PRKG1: variants seen among roughly 807,000 people sequenced by gnomAD.
PRKG1 encodes the protein cGMP-dependent protein kinase 1.
A neutral mutation model predicts 88.1 loss-of-function variants in PRKG1; 35 were observed. That is an observed-to-expected ratio of 0.40 (90% CI 0.30 to 0.53). The LOEUF (loss-of-function observed/expected upper bound fraction) is 0.53, where lower values mean the gene tolerates loss of function less well. PRKG1 is among the 20% of genes least tolerant of loss of function. The probability of loss-of-function intolerance (pLI) is 0.59; values close to 1 mark genes in which losing one functional copy is unlikely to be tolerated. For synonymous variants in PRKG1, 303 were observed against 292.5 expected (o/e 1.04, Z -0.37); for missense variants, 540 against 839.8 (o/e 0.64, Z 4.41).
intron 1 of PRKG1, among the ~76,000 whole-genome samples, chr10:51,083,674 G>A (rs1223756073): frequency 6.6e-6 from 1 of 152,164 alleles, no homozygotes; most frequent in Non-Finnish European, 1.5e-5. Flanking sequence ...ACAGATCTGG[G>A]CATTGCTGGC....
intron 2 of PRKG1, among the ~76,000 whole-genome samples, chr10:51,222,269 A>G (rs140316704): frequency 9.1e-4 from 138 of 152,222 alleles, no homozygotes; most frequent in African/African-American, 3.2e-3. Context: ...GTCTACTCTA[A>G]GACCAAAGTT....
chr10:51,714,778 C>G (rs568294085), intron 3 of PRKG1, among the ~76,000 whole-genome samples: 3 of 151,968 alleles, frequency 2.0e-5, no homozygotes, highest in Non-Finnish European at 4.4e-5. Context: ...TTTGTACTCA[C>G]GAAATGCAGG....
intron 1 of PRKG1, among the ~76,000 whole-genome samples, chr10:51,043,216 C>T (rs1843447055): frequency 6.6e-6 from 1 of 152,076 alleles, no homozygotes; most frequent in South Asian, 2.1e-4. Context: ...AGAGGGACTC[C>T]ACTGAGATCC....
chr10:51,232,320 T>A (rs775196706), intron 2 of PRKG1, among the ~76,000 whole-genome samples: 2 of 152,160 alleles, frequency 1.3e-5, no homozygotes, highest in Non-Finnish European at 2.9e-5. Context: ...CAGATATGAA[T>A]AATAAAGCAG....
chr10:51,314,307 T>A (rs575582776), intron 2 of PRKG1, among the ~76,000 whole-genome samples: 1 of 152,264 alleles, frequency 6.6e-6, no homozygotes, highest in East Asian at 1.9e-4. Flanking sequence ...TATGATCACA[T>A]GCTGTCTGTT....
In PRKG1 at chr10:51,899,641, G is replaced by A. The variant is rs1210881851; in HGVS notation, c.699-7866G>A. On this transcript the variant is annotated intron_variant, in intron 4 of 17. Transcript: ENST00000373980. ...CCATTGCACTCCAGCTTGGGCGACAGCGTGAGAGTCTGTCAAAAAAAAGAA... is the reference window on the plus strand; with the variant it reads ...CCATTGCACTCCAGCTTGGGCGACAACGTGAGAGTCTGTCAAAAAAAAGAA... 3.8e-5 allele frequency among the ~76,000 whole-genome samples: 5 copies of A among 130,572 alleles called. No individual in the cohort carries two copies. The Admixed American group carries it at 4.3e-4, about 11-fold the overall frequency. The allele number at this position is 130,572 out of a possible 152,430, so 85.7% of individuals were successfully genotyped here.
chr10:51,603,248 G>A (rs1003988645), intron 3 of PRKG1, among the ~76,000 whole-genome samples: 2 of 152,244 alleles, frequency 1.3e-5, no homozygotes, highest in East Asian at 1.9e-4. Flanking sequence ...ATGAGCCACA[G>A]CATCCAGCCT....
intron 5 of PRKG1, among the ~76,000 whole-genome samples, chr10:52,030,951 C>T (rs919897641): frequency 2.6e-5 from 4 of 151,986 alleles, no homozygotes; most frequent in African/African-American, 7.2e-5. Flanking sequence ...CATTATAATA[C>T]AACAGCATCA....
intron 2 of PRKG1, among the ~76,000 whole-genome samples, chr10:51,217,385 A>G (rs1433461978): frequency 6.6e-6 from 1 of 152,096 alleles, no homozygotes; most frequent in Non-Finnish European, 1.5e-5. Context: ...TGGTGTGGGG[A>G]AAAATGCCTT....
At chr10:51,712,974 G>T (rs1841796776) in intron 3 of PRKG1, among the ~76,000 whole-genome samples, 1 of 109,976 alleles carries the variant, frequency 9.1e-6, no homozygotes, top group Non-Finnish European at 2.0e-5. Context: ...ACTCTATGAG[G>T]GTTTTTTTTT....
intron 12 of PRKG1, among the ~76,000 whole-genome samples, chr10:52,277,469 T>C (rs1438461620): frequency 6.6e-6 from 1 of 152,220 alleles, no homozygotes; most frequent in Non-Finnish European, 1.5e-5. Context: ...CTATTACATT[T>C]AGTGAGCACA....
intron 3 of PRKG1, among the ~76,000 whole-genome samples, chr10:51,684,000 T>G (rs1033558257): frequency 5.9e-5 from 9 of 152,136 alleles, no homozygotes; most frequent in African/African-American, 2.2e-4. Context: ...AACATAAAGT[T>G]CCTATATGAT....
intron 2 of PRKG1, among the ~76,000 whole-genome samples, chr10:51,460,409 T>C (rs1208985721): frequency 6.6e-6 from 1 of 152,136 alleles, no homozygotes; most frequent in African/African-American, 2.4e-5. Context: ...GAAAAAACAA[T>C]AGAGCAAGAA....
chr10:52,221,426 G>A (rs1715689221), intron 9 of PRKG1, among the ~76,000 whole-genome samples: 1 of 152,018 alleles, frequency 6.6e-6, no homozygotes, highest in South Asian at 2.1e-4. Context: ...AAGTCAACAC[G>A]TCTTTTTAAA....
chr10:51,637,283 G>T (rs905782376), intron 3 of PRKG1, among the ~76,000 whole-genome samples: 2 of 152,142 alleles, frequency 1.3e-5, no homozygotes, highest in South Asian at 2.1e-4. Context: ...TTTTGGAGAG[G>T]TTGTGGAGAA....
At chr10:51,487,597 G>C (rs1840585783) in intron 3 of PRKG1, among the ~76,000 whole-genome samples, 1 of 152,024 alleles carries the variant, frequency 6.6e-6, no homozygotes, top group African/African-American at 2.4e-5. Context: ...CTCATGACTT[G>C]CTTCTAATTT....
intron 2 of PRKG1, among the ~76,000 whole-genome samples, chr10:51,312,866 C>A (rs1841226737): frequency 6.6e-6 from 1 of 152,186 alleles, no homozygotes; most frequent in East Asian, 1.9e-4. Context: ...CCAAATTTTT[C>A]ACTGTGGGAC....
intron 5 of PRKG1, among the ~76,000 whole-genome samples, chr10:51,926,440 A>G (rs1220858719): frequency 6.6e-6 from 1 of 151,996 alleles, no homozygotes; most frequent in African/African-American, 2.4e-5. Flanking sequence ...TCTGATGAGG[A>G]TTGTTATTTG....
intron 4 of PRKG1, among the ~76,000 whole-genome samples, chr10:51,844,698 A>C (rs748579872): frequency 6.6e-6 from 1 of 152,186 alleles, no homozygotes; most frequent in Non-Finnish European, 1.5e-5. Context: ...AACTTTGATA[A>C]AAATTCTGAA....
Sources: allele counts gnomAD v4.1 joint callset (sites outside exome capture counted in the v4.1 genomes callset), GRCh38; gene constraint gnomAD v4.1.1; transcripts MANE v1.5; gene names NCBI Gene and HGNC (gene_info 2026-07-23, HGNC 2026-07-21).